STARD13: variants seen among roughly 807,000 people sequenced by gnomAD.
STARD13 encodes the protein stAR-related lipid transfer protein 13.
Under a neutral mutation model 106.4 loss-of-function variants are expected in STARD13, and 62 were observed. That is an observed-to-expected ratio of 0.58 (90% CI 0.48 to 0.72). STARD13 has a LOEUF of 0.72. Among genes scored for constraint, STARD13 ranks in the 30% least tolerant of loss-of-function variants. STARD13 has a pLI of 0.00. For synonymous variants in STARD13, 565 were observed against 553.0 expected (o/e 1.02, Z -0.31); for missense variants, 1,387 against 1,424.0 (o/e 0.97, Z 0.42).
intron 1 of STARD13, among the ~76,000 whole-genome samples, chr13:33,325,750 T>C (rs1360936505): frequency 3.9e-5 from 6 of 151,980 alleles, no homozygotes; most frequent in Non-Finnish European, 8.8e-5. Context: ...ATCCCAGCAC[T>C]TGGGGAGGCC....
intron 1 of STARD13, among the ~76,000 whole-genome samples, chr13:33,247,802 C>A (rs976524679): frequency 5.3e-5 from 8 of 152,134 alleles, no homozygotes; most frequent in African/African-American, 1.7e-4. Context: ...CTTCCCATCA[C>A]CTGAGATGCT....
chr13:33,553,583 CTTT>C, the STARD13 span, among the ~76,000 whole-genome samples: 2 of 140,346 alleles, frequency 1.4e-5, no homozygotes, highest in Non-Finnish European at 1.6e-5. Flanking sequence ...AAACTAAGCA[CTTT>C]TTTTTTTTTT....
chr13:33,308,914 C>G (rs961296739), intron 1 of STARD13, among the ~76,000 whole-genome samples: 5 of 152,342 alleles, frequency 3.3e-5, no homozygotes, highest in Admixed American at 3.3e-4. Context: ...TGATCATTGT[C>G]TGCCCACAGT....
At chr13:33,159,771 C>T (rs144288839) in intron 3 of STARD13, among the ~76,000 whole-genome samples, 52 of 152,234 alleles carry the variant, frequency 3.4e-4, no homozygotes, top group Middle Eastern at 3.4e-3. Context: ...ACATGAAATT[C>T]TTAGATACTA....
At chr13:33,251,006 G>A (rs1430021465) in intron 1 of STARD13, among the ~76,000 whole-genome samples, 1 of 152,158 alleles carries the variant, frequency 6.6e-6, no homozygotes, top group Non-Finnish European at 1.5e-5. Flanking sequence ...GGATAAGGAA[G>A]GGAAGGGAAG....
chr13:33,223,582 C>T (rs1215818855), intron 1 of STARD13, among the ~76,000 whole-genome samples: 1 of 151,958 alleles, frequency 6.6e-6, no homozygotes, highest in Non-Finnish European at 1.5e-5. Flanking sequence ...TTGCTTGAAC[C>T]TGGGAGGTGG....
the STARD13 span, among the ~76,000 whole-genome samples, chr13:33,642,840 T>TAAA: frequency 9.4e-6 from 1 of 106,640 alleles, no homozygotes. Flanking sequence ...AAACAAACAT[T>TAAA]AAAAAAAAAA....
At position 33,129,137 on chromosome 13, in the gene STARD13, G is replaced by A; in HGVS notation, c.1540C>T (p.His514Tyr). The A allele has an allele frequency of 6.2e-7, 1 of 1,614,200 alleles. No homozygotes were observed. The change falls in exon 5 of 14, where the codon CAT becomes TAT. Residue 514 changes from histidine to tyrosine, a missense_variant. By Grantham distance (83) the His-to-Tyr change is moderately conservative. Transcript: ENST00000336934. ...CCAGGTTCCCCAACCAATGTATCAT[G>A]AGTTTGCAGTTCAGGCAAGACATCT... ...SKDVLPELQTHDTLVGEPGLS... is the reference protein window; with the variant it reads ...SKDVLPELQTYDTLVGEPGLS...
chr13:33,488,413 C>T, the STARD13 span, among the ~76,000 whole-genome samples: 1 of 152,328 alleles, frequency 6.6e-6, no homozygotes, highest in Non-Finnish European at 1.5e-5. Context: ...ATTTGTATTT[C>T]TGTGTCAATC....
the STARD13 span, among the ~76,000 whole-genome samples, chr13:33,459,347 A>T: frequency 6.6e-6 from 1 of 152,228 alleles, no homozygotes; most frequent in African/African-American, 2.4e-5. Flanking sequence ...TAAATAAAAT[A>T]ATACAGCATT....
chr13:33,622,691 G>T, the STARD13 span, among the ~76,000 whole-genome samples: 5 of 150,932 alleles, frequency 3.3e-5, no homozygotes, highest in Admixed American at 2.6e-4. Context: ...GGAGGCTGAG[G>T]CGGGCGGATC....
At chr13:33,563,131 A>T in the STARD13 span, among the ~76,000 whole-genome samples, 2 of 146,976 alleles carry the variant, frequency 1.4e-5, no homozygotes. Context: ...ATGCTTATGA[A>T]TTTGAAGAAT....
At chr13:33,400,060 G>C in the STARD13 span, among the ~76,000 whole-genome samples, 2 of 152,028 alleles carry the variant, frequency 1.3e-5, no homozygotes, top group African/African-American at 4.8e-5. Flanking sequence ...CATCCATGCT[G>C]TATATTAGAT....
At chr13:33,539,699 G>C in the STARD13 span, among the ~76,000 whole-genome samples, 3 of 152,110 alleles carry the variant, frequency 2.0e-5, no homozygotes. Context: ...AACCATTATT[G>C]TGCCATACTA....
chr13:33,117,915 A>G (rs1875628377), intron 8 of STARD13, 150 bp downstream of exon 8: 1 of 1,407,180 alleles, frequency 7.1e-7, no homozygotes, highest in South Asian at 1.7e-5. Context: ...AACTTTGAGC[A>G]AAAGTTACTT....
At chr13:33,136,102 T>C (rs376928430) in intron 4 of STARD13, among the ~76,000 whole-genome samples, 1 of 150,388 alleles carries the variant, frequency 6.6e-6, no homozygotes, top group Non-Finnish European at 1.5e-5. Context: ...GCCTGGGTGA[T>C]GAAGTGAGAC....
rs1874424578 is a variant in STARD13, at chr13:33,110,779, AT to A, written c.2735del (p.His912LeufsTer39). 1 of 1,614,046 alleles carries A rather than the reference AT, an allele frequency of 6.2e-7. No individual in the cohort carries two copies. The highest frequency in any genetic ancestry group is 1.3e-5 in the African/African-American group (1 of 74,918). On this transcript the variant is annotated frameshift_variant, in exon 11 of 14. Coordinates refer to ENST00000336934, the MANE Select transcript of STARD13 (RefSeq NM_178006.4). LOFTEE classifies it high-confidence loss of function. ...CTTCTTTCTGGAGGCCCTGGATGAG[AT>A]GGTTCAGGTAAGTGTGGAAAGTTGC... ...SGATFHTYLN[H>X]LIQGLQKEAK... is the part of the protein sequence containing the mutation.
chr13:33,507,832 A>T, the STARD13 span, among the ~76,000 whole-genome samples: 5 of 152,178 alleles, frequency 3.3e-5, no homozygotes, highest in African/African-American at 1.2e-4. Flanking sequence ...AAGAGAAAAT[A>T]TATTTATTAT....
intron 1 of STARD13, among the ~76,000 whole-genome samples, chr13:33,171,312 T>C (rs1883929832): frequency 6.6e-6 from 1 of 152,052 alleles, no homozygotes; most frequent in African/African-American, 2.4e-5. Context: ...AACCAGAGAG[T>C]GGACCTGGAC....
Sources: allele counts gnomAD v4.1 joint callset (sites outside exome capture counted in the v4.1 genomes callset), GRCh38; gene constraint gnomAD v4.1.1; transcripts MANE v1.5; gene names NCBI Gene and HGNC (gene_info 2026-07-23, HGNC 2026-07-21).